The following EGFR variants were observed in gnomAD, a reference collection of about 807,000 sequenced individuals.
The protein encoded by EGFR is epidermal growth factor receptor, also known as avian erythroblastic leukemia viral (v-erb-b) oncogene homolog.
In EGFR, 58 loss-of-function variants were observed where a neutral mutation model predicts 143.0. The observed-to-expected ratio is 0.41, with a 90% CI of 0.33 to 0.50. EGFR has a LOEUF of 0.50. Among genes scored for constraint, EGFR ranks in the 20% least tolerant of loss-of-function variants. The pLI, the probability that EGFR is intolerant of heterozygous loss-of-function variation, is 0.39. For synonymous variants in EGFR, 613 were observed against 594.4 expected (o/e 1.03, Z -0.45); for missense variants, 1,307 against 1,579.0 (o/e 0.83, Z 2.92).
intron 1 of EGFR, among the ~76,000 whole-genome samples, chr7:55,047,468 G>T (rs1265060996): frequency 6.6e-6 from 1 of 152,206 alleles, no homozygotes; most frequent in Non-Finnish European, 1.5e-5. Flanking sequence ...TTAAAACTGG[G>T]ACTGGGCATG....
chr7:55,025,216 G>T (rs537694316), intron 1 of EGFR, among the ~76,000 whole-genome samples: 1 of 152,146 alleles, frequency 6.6e-6, no homozygotes, highest in Non-Finnish European at 1.5e-5. Context: ...CTGCAGCAGC[G>T]GTTTGGGGAA....
At chr7:55,130,940 A>G (rs1793795365) in intron 1 of EGFR, among the ~76,000 whole-genome samples, 1 of 152,210 alleles carries the variant, frequency 6.6e-6, no homozygotes, top group South Asian at 2.1e-4. Flanking sequence ...ACATGTGAGC[A>G]GGAGGGCAGG....
rs145703432 is a variant in EGFR at position 55,205,831 on chromosome 7, A to G, written c.*214A>G. On this transcript the variant is annotated 3_prime_UTR_variant, in exon 28 of 28. Transcript: ENST00000275493. ...TTTGTCTTCAAACTGTGAAGCATTT[A>G]CAGAAACGCATCCAGCAAGAATATT... The G allele has an allele frequency of 1.2e-4, 74 of 638,320 alleles. No individual in the cohort carries two copies. Among genetic ancestry groups the G allele is most frequent in the Non-Finnish European group, 1.8e-4 (67 of 369,672 alleles). The allele number at this position is 638,320 out of a possible 1,614,324, so 39.5% of individuals were successfully genotyped here.
In EGFR at chr7:55,050,672, C is replaced by T. The variant is rs114475969; in HGVS notation, c.88+31307C>T. Among the ~76,000 whole-genome samples, 678 of 152,336 alleles carry T rather than the reference C, an allele frequency of 4.5e-3. 7 individuals carry two copies. Among genetic ancestry groups the T allele is most frequent in the African/African-American group, 0.013 (561 of 41,572 alleles). On this transcript the variant is annotated intron_variant, in intron 1 of 27. Coordinates refer to ENST00000275493, the MANE Select transcript of EGFR (RefSeq NM_005228.5). ...CAGTCTCCCCTGTAGGTCTCTCCCG[C>T]CAGCCCTGCTCAGTCTTCTTGCTTG...
chr7:55,056,821 G>C (rs1788853107), intron 1 of EGFR, among the ~76,000 whole-genome samples: 1 of 152,206 alleles, frequency 6.6e-6, no homozygotes, highest in South Asian at 2.1e-4. Context: ...TGGTGTGGAG[G>C]CTGGAGCACA....
intron 15 of EGFR, chr7:55,170,604 G>A: frequency 2.5e-6 from 4 of 1,606,738 alleles, no homozygotes; most frequent in Non-Finnish European, 3.4e-6. Context: ...CCTGCACGTG[G>A]GCCGCCAGGT....
At chr7:55,195,060 G>A (rs954214256) in intron 22 of EGFR, among the ~76,000 whole-genome samples, 81 of 152,056 alleles carry the variant, frequency 5.3e-4, no homozygotes, top group Non-Finnish European at 1.0e-3. Flanking sequence ...CCTCTCTCTC[G>A]CTGTTTGTTC....
intron 22 of EGFR, among the ~76,000 whole-genome samples, chr7:55,193,713 T>C (rs527915023): frequency 8.5e-4 from 129 of 152,348 alleles, no homozygotes; most frequent in African/African-American, 2.6e-3. Context: ...TCTAGAAATG[T>C]GTATTTGAGG....
chr7:55,154,218 G>C (rs1432197430), intron 7 of EGFR, 66 bp downstream of exon 7: 1 of 1,610,698 alleles, frequency 6.2e-7, no homozygotes, highest in Non-Finnish European at 8.5e-7. Flanking sequence ...CTCCTGCTGA[G>C]CCCTGGAGTA....
At chr7:55,055,627 A>G (rs1052526370) in intron 1 of EGFR, among the ~76,000 whole-genome samples, 1 of 151,940 alleles carries the variant, frequency 6.6e-6, no homozygotes, top group Admixed American at 6.6e-5. Context: ...TCCTTCTACG[A>G]ACTGACTCAC....
At chr7:55,039,327 G>A (rs548613688) in intron 1 of EGFR, among the ~76,000 whole-genome samples, 5 of 152,292 alleles carry the variant, frequency 3.3e-5, no homozygotes, top group African/African-American at 1.2e-4. Context: ...GTCCTGTGAT[G>A]CTGTAAGGGG....
intron 1 of EGFR, among the ~76,000 whole-genome samples, chr7:55,088,280 C>G (rs1225666507): frequency 6.6e-6 from 1 of 152,180 alleles, no homozygotes; most frequent in Non-Finnish European, 1.5e-5. Flanking sequence ...ATGGGGGAGG[C>G]CCCCTTCGCA....
chr7:55,121,668 T>C (rs1243599059), intron 1 of EGFR, among the ~76,000 whole-genome samples: 2 of 152,196 alleles, frequency 1.3e-5, no homozygotes, highest in Non-Finnish European at 2.9e-5. Flanking sequence ...CATACAACAC[T>C]CTATCACATA....
chr7:55,073,272 G>C (rs536997285), intron 1 of EGFR, among the ~76,000 whole-genome samples: 17 of 152,192 alleles, frequency 1.1e-4, no homozygotes, highest in Non-Finnish European at 1.8e-4. Flanking sequence ...TACCAGCCAC[G>C]CTGCCTTGCA....
At chr7:55,070,877 A>G (rs1200907979) in intron 1 of EGFR, among the ~76,000 whole-genome samples, 1 of 152,270 alleles carries the variant, frequency 6.6e-6, no homozygotes, top group Non-Finnish European at 1.5e-5. Context: ...TGGAGCAAAG[A>G]AAAAGAAATT....
intron 20 of EGFR, among the ~76,000 whole-genome samples, chr7:55,189,918 C>T (rs1231526416): frequency 6.6e-6 from 1 of 152,132 alleles, no homozygotes; most frequent in Non-Finnish European, 1.5e-5. Flanking sequence ...CTCTCCCTTT[C>T]GAATGGGCAG....
intron 6 of EGFR, among the ~76,000 whole-genome samples, chr7:55,153,009 C>T (rs1455440779): frequency 1.3e-5 from 2 of 152,238 alleles, no homozygotes; most frequent in African/African-American, 4.8e-5. Flanking sequence ...AAGTATTTGT[C>T]ATGAATGTGC....
At chr7:55,068,329 A>C (rs1228865983) in intron 1 of EGFR, among the ~76,000 whole-genome samples, 1 of 152,242 alleles carries the variant, frequency 6.6e-6, no homozygotes, top group African/African-American at 2.4e-5. Flanking sequence ...TAGAGAATAC[A>C]AAGAGGAGAT....
chr7:55,130,807 G>A (rs564526146), intron 1 of EGFR, among the ~76,000 whole-genome samples: 1 of 152,326 alleles, frequency 6.6e-6, no homozygotes, highest in East Asian at 1.9e-4. Flanking sequence ...GCCCCGCACA[G>A]GATCCCTGCT....
Sources: allele counts gnomAD v4.1 joint callset (sites outside exome capture counted in the v4.1 genomes callset), GRCh38; gene constraint gnomAD v4.1.1; transcripts MANE v1.5; gene names NCBI Gene and HGNC (gene_info 2026-07-23, HGNC 2026-07-21).